Variants in TUSC3 observed in about 807,000 individuals in gnomAD.
The protein encoded by TUSC3 is dolichyl-diphosphooligosaccharide--protein glycosyltransferase subunit TUSC3.
Under a neutral mutation model 44.8 loss-of-function variants are expected in TUSC3, and 45 were observed. The ratio of observed to expected loss-of-function variants is 1.00; its 90% CI spans 0.79 to 1.29. The LOEUF (loss-of-function observed/expected upper bound fraction) is 1.29, where lower values mean the gene tolerates loss of function less well. TUSC3 is among the 50% of genes most tolerant of loss of function. TUSC3 has a pLI of 0.00. For missense variants in TUSC3, 519 were observed against 437.9 expected, an observed-to-expected ratio of 1.19 and a Z score of -1.65; for synonymous variants, 212 against 152.9, an observed-to-expected ratio of 1.39 and a Z score of -2.85.
intron 6 of TUSC3, among the ~76,000 whole-genome samples, chr8:15,727,897 A>G (rs1048018321): frequency 3.9e-5 from 6 of 152,146 alleles, no homozygotes; most frequent in African/African-American, 1.4e-4. Context: ...CCTATTTTAA[A>G]AATAATTGAG....
At chr8:15,845,718 T>C in the TUSC3 span, among the ~76,000 whole-genome samples, 3 of 152,114 alleles carry the variant, frequency 2.0e-5, no homozygotes, top group African/African-American at 7.2e-5. Flanking sequence ...TTTGGAAAAG[T>C]GAACACAATA....
intron 2 of TUSC3, among the ~76,000 whole-genome samples, chr8:15,531,779 T>C (rs1801454099): frequency 1.3e-5 from 2 of 152,230 alleles, no homozygotes; most frequent in Non-Finnish European, 1.5e-5. Flanking sequence ...ATTTCCTCCA[T>C]GTTTTCTCAA....
At chr8:15,532,031 G>T (rs2129130806) in intron 2 of TUSC3, among the ~76,000 whole-genome samples, 1 of 152,190 alleles carries the variant, frequency 6.6e-6, no homozygotes, top group Admixed American at 6.5e-5. Context: ...TAATTATATG[G>T]CTTGATAAAA....
intron 6 of TUSC3, among the ~76,000 whole-genome samples, chr8:15,697,639 C>G (rs1333173708): frequency 6.6e-6 from 1 of 152,088 alleles, no homozygotes; most frequent in African/African-American, 2.4e-5. Flanking sequence ...AATGAATGAG[C>G]CAAAGGAAGT....
chr8:15,476,552 A>G (rs890553064), intron 1 of TUSC3, among the ~76,000 whole-genome samples: 4 of 152,152 alleles, frequency 2.6e-5, no homozygotes, highest in African/African-American at 7.2e-5. Context: ...CGTGCTCAAG[A>G]ATTAGAATAT....
At chr8:15,497,408 T>C (rs1800898167) in intron 2 of TUSC3, among the ~76,000 whole-genome samples, 1 of 152,204 alleles carries the variant, frequency 6.6e-6, no homozygotes, top group Admixed American at 6.5e-5. Context: ...AAGGAGACAC[T>C]ATCCAAGGAT....
the TUSC3 span, among the ~76,000 whole-genome samples, chr8:15,824,710 C>T: frequency 1.3e-5 from 2 of 152,108 alleles, no homozygotes; most frequent in Admixed American, 1.3e-4. Context: ...ATGTAACTAA[C>T]CTGCACGTTG....
chr8:15,628,483 AAG>A (rs1287639483), intron 2 of TUSC3, among the ~76,000 whole-genome samples: 2 of 152,164 alleles, frequency 1.3e-5, no homozygotes, highest in Non-Finnish European at 2.9e-5. Flanking sequence ...AGCATTTTAA[AAG>A]AGTTTTGGAT....
the TUSC3 span, among the ~76,000 whole-genome samples, chr8:15,842,313 C>A: frequency 6.6e-6 from 1 of 152,110 alleles, no homozygotes; most frequent in Non-Finnish European, 1.5e-5. Context: ...GTTCTGACCG[C>A]CAGCCTCATC....
intron 2 of TUSC3, among the ~76,000 whole-genome samples, chr8:15,502,486 CTTGTTTGT>C (rs200527673): frequency 1.3e-5 from 2 of 151,920 alleles, no homozygotes; most frequent in Non-Finnish European, 2.9e-5. Flanking sequence ...TATATATTTT[CTTGTTTGT>C]TTGTTTGTTT....
downstream of TUSC3, among the ~76,000 whole-genome samples, chr8:15,769,664 T>C (rs911057740): frequency 2.0e-5 from 3 of 152,132 alleles, no homozygotes; most frequent in South Asian, 6.2e-4. Flanking sequence ...GGGAAAAAAT[T>C]TGTGCAATCT....
intron 1 of TUSC3, among the ~76,000 whole-genome samples, chr8:15,563,225 C>G (rs1802542687): frequency 6.6e-6 from 1 of 152,000 alleles, no homozygotes; most frequent in Non-Finnish European, 1.5e-5. Context: ...TCATAAATAA[C>G]TTCATGTGTG....
At chr8:15,772,447 C>G in the TUSC3 span, among the ~76,000 whole-genome samples, 1 of 152,222 alleles carries the variant, frequency 6.6e-6, no homozygotes, top group African/African-American at 2.4e-5. Context: ...TTCCTAGAAA[C>G]AACCAAACTA....
chr8:15,514,486 T>G (rs924263196), intron 2 of TUSC3, among the ~76,000 whole-genome samples: 71 of 152,164 alleles, frequency 4.7e-4, no homozygotes, highest in Non-Finnish European at 3.8e-4. Context: ...AAACCAAAAA[T>G]AGAAGTTTGT....
intron 1 of TUSC3, among the ~76,000 whole-genome samples, chr8:15,566,597 A>G (rs1448771930): frequency 3.5e-5 from 5 of 142,956 alleles, no homozygotes; most frequent in Non-Finnish European, 1.6e-5. Context: ...TTCACAGAAG[A>G]CACATTTTTT....
chr8:15,832,388 T>A, the TUSC3 span, among the ~76,000 whole-genome samples: 1 of 152,216 alleles, frequency 6.6e-6, no homozygotes, highest in Non-Finnish European at 1.5e-5. Context: ...AGTCTGCATA[T>A]AACCAGCTAA....
intron 5 of TUSC3, among the ~76,000 whole-genome samples, chr8:15,672,790 C>G (rs1808006398): frequency 6.6e-6 from 1 of 151,964 alleles, no homozygotes; most frequent in East Asian, 1.9e-4. Flanking sequence ...CTTGTTTTCT[C>G]CTTTAAAAAA....
At chr8:15,676,012 T>A (rs73197106) in intron 6 of TUSC3, among the ~76,000 whole-genome samples, 7,375 of 152,248 alleles carry the variant, frequency 0.048, 230 homozygotes, top group Non-Finnish European at 0.072. Context: ...ATCTCCATGT[T>A]GTTTTCCATT....
At chr8:15,503,757 C>G (rs1032624835) in intron 2 of TUSC3, among the ~76,000 whole-genome samples, 1 of 151,950 alleles carries the variant, frequency 6.6e-6, no homozygotes, top group Non-Finnish European at 1.5e-5. Context: ...AATTCCGGCA[C>G]TTTGGGATCC....
Sources: gnomAD v4.1 joint callset for allele counts (sites outside exome capture counted in the v4.1 genomes callset) on GRCh38, gnomAD v4.1.1 for gene constraint, MANE v1.5 for transcripts, NCBI Gene and HGNC (gene_info 2026-07-23, HGNC 2026-07-21) for gene names.